LHFPL3: variants seen among roughly 807,000 people sequenced by gnomAD.
LHFPL3 encodes the protein LHFPL tetraspan subfamily member 3 protein.
Under a neutral mutation model 19.3 loss-of-function variants are expected in LHFPL3, and 5 were observed. That is an observed-to-expected ratio of 0.26 (90% CI 0.14 to 0.54). The LOEUF is 0.54. Among genes scored for constraint, LHFPL3 ranks in the 20% least tolerant of loss-of-function variants. LHFPL3 has a pLI of 0.94. For missense variants in LHFPL3, 249 were observed against 307.4 expected (o/e 0.81, Z 1.42); for synonymous variants, 133 against 126.2 (o/e 1.05, Z -0.36).
chr7:104,755,607 G>C (rs1229845239), intron 2 of LHFPL3, among the ~76,000 whole-genome samples: 6 of 141,710 alleles, frequency 4.2e-5, no homozygotes, highest in African/African-American at 1.2e-4. Flanking sequence ...CACACAGAGA[G>C]AAACACCCAC....
At chr7:104,793,031 G>A (rs923824349) in intron 2 of LHFPL3, among the ~76,000 whole-genome samples, 4 of 152,162 alleles carry the variant, frequency 2.6e-5, no homozygotes, top group African/African-American at 9.7e-5. Context: ...GAGTAGCTGG[G>A]ATTACAGGCA....
chr7:104,537,187 A>G (rs552779560), intron 1 of LHFPL3, among the ~76,000 whole-genome samples: 1 of 152,128 alleles, frequency 6.6e-6, no homozygotes, highest in Non-Finnish European at 1.5e-5. Flanking sequence ...TCAACACCCC[A>G]TCTCCATCTG....
intron 2 of LHFPL3, among the ~76,000 whole-genome samples, chr7:104,850,077 CG>C (rs969869204): frequency 1.3e-5 from 2 of 152,044 alleles, no homozygotes; most frequent in African/African-American, 2.4e-5. Flanking sequence ...CCAAGGTGGG[CG>C]GATCACTTGA....
chr7:104,598,336 C>T (rs1223398403), intron 1 of LHFPL3, among the ~76,000 whole-genome samples: 1 of 152,192 alleles, frequency 6.6e-6, no homozygotes, highest in Non-Finnish European at 1.5e-5. Context: ...CAGCTGCCTA[C>T]AAGAGCAGAG....
chr7:104,369,183 C>A (rs971840657), intron 1 of LHFPL3, among the ~76,000 whole-genome samples: 9 of 152,230 alleles, frequency 5.9e-5, no homozygotes, highest in South Asian at 2.1e-4. Context: ...ATCAACCCCC[C>A]CAAAATTCTC....
At chr7:104,545,265 A>G (rs1276198664) in intron 1 of LHFPL3, among the ~76,000 whole-genome samples, 3 of 152,208 alleles carry the variant, frequency 2.0e-5, no homozygotes. Context: ...ATTATCAAAT[A>G]GACCTCACCA....
chr7:104,614,675 C>T (rs1791288443), intron 1 of LHFPL3, among the ~76,000 whole-genome samples: 1 of 101,024 alleles, frequency 9.9e-6, no homozygotes, highest in African/African-American at 3.4e-5. Context: ...TTCCTTCCTT[C>T]CTTCCTTCTT....
chr7:104,636,299 C>G (rs891902581), intron 1 of LHFPL3, among the ~76,000 whole-genome samples: 1 of 152,138 alleles, frequency 6.6e-6, no homozygotes, highest in African/African-American at 2.4e-5. Flanking sequence ...CCAGAAGGAA[C>G]AGCTCAAAGA....
At chr7:104,409,017 A>G (rs1584299730) in intron 1 of LHFPL3, among the ~76,000 whole-genome samples, 1 of 146,422 alleles carries the variant, frequency 6.8e-6, no homozygotes, top group Admixed American at 6.9e-5. Context: ...GGCGCCTGCC[A>G]CCACGCCCGG....
At chr7:104,614,661 T>TTCTCTTCTCTTCTC (rs1554415312) in intron 1 of LHFPL3, among the ~76,000 whole-genome samples, 2 of 82,474 alleles carry the variant, frequency 2.4e-5, no homozygotes, top group African/African-American at 4.1e-5. Context: ...CTCTCCTTCC[T>TTCTCTTCTCTTCTC]TCCTTCCTTC....
chr7:104,888,507 G>A (rs1205122343), intron 2 of LHFPL3, among the ~76,000 whole-genome samples: 1 of 152,204 alleles, frequency 6.6e-6, no homozygotes, highest in Non-Finnish European at 1.5e-5. Flanking sequence ...TCCTGCCAGG[G>A]TGACAGAGAT....
intron 1 of LHFPL3, among the ~76,000 whole-genome samples, chr7:104,715,646 T>C (rs945338717): frequency 2.0e-4 from 31 of 152,344 alleles, no homozygotes; most frequent in African/African-American, 7.2e-4. Context: ...TATATGGAGA[T>C]GATCATGTGA....
chr7:104,761,380 GA>G (rs1469743018), intron 2 of LHFPL3, among the ~76,000 whole-genome samples: 2 of 151,936 alleles, frequency 1.3e-5, no homozygotes, highest in Non-Finnish European at 2.9e-5. Context: ...TTGAATAAAT[GA>G]AAAAAATCAT....
intron 1 of LHFPL3, among the ~76,000 whole-genome samples, chr7:104,589,532 T>A (rs961193643): frequency 2.0e-5 from 3 of 152,216 alleles, no homozygotes; most frequent in Admixed American, 6.5e-5. Context: ...TTTTTAGGAT[T>A]TTTGCATTGA....
intron 1 of LHFPL3, among the ~76,000 whole-genome samples, chr7:104,446,530 G>A (rs1792332907): frequency 2.0e-5 from 3 of 151,906 alleles, no homozygotes; most frequent in Non-Finnish European, 2.9e-5. Context: ...ACTATTTTAT[G>A]TTTCATAGAT....
At chr7:104,668,201 C>T (rs562435389) in intron 1 of LHFPL3, 2 of 1,613,650 alleles carry the variant, frequency 1.2e-6, no homozygotes, top group East Asian at 2.2e-5. Flanking sequence ...ATTCCCTGCT[C>T]AGTGCCCTGA....
intron 1 of LHFPL3, among the ~76,000 whole-genome samples, chr7:104,518,517 A>G (rs1793967449): frequency 6.6e-6 from 1 of 151,970 alleles, no homozygotes; most frequent in Non-Finnish European, 1.5e-5. Flanking sequence ...ACTACTGGAC[A>G]CATTTAAAAG....
intron 1 of LHFPL3, among the ~76,000 whole-genome samples, chr7:104,709,035 T>C (rs1307065206): frequency 6.6e-6 from 1 of 152,064 alleles, no homozygotes; most frequent in Non-Finnish European, 1.5e-5. Context: ...AAGACTCTCA[T>C]CAGCTACTGA....
chr7:104,856,010 A>G (rs913721825), intron 2 of LHFPL3, among the ~76,000 whole-genome samples: 2 of 152,192 alleles, frequency 1.3e-5, no homozygotes, highest in African/African-American at 4.8e-5. Context: ...AGATAATTTC[A>G]GTCCTGTTAT....
Sources: allele counts gnomAD v4.1 joint callset (sites outside exome capture counted in the v4.1 genomes callset), GRCh38; gene constraint gnomAD v4.1.1; transcripts MANE v1.5; gene names NCBI Gene and HGNC (gene_info 2026-07-23, HGNC 2026-07-21).